TOGARAM1: variants seen among roughly 807,000 people sequenced by gnomAD.
TOGARAM1 encodes TOG array regulator of axonemal microtubules 1.
TOGARAM1 carries 100 observed loss-of-function variants against 166.6 expected under a neutral mutation model. The ratio of observed to expected loss-of-function variants is 0.60; its 90% CI spans 0.51 to 0.71. TOGARAM1 has a LOEUF of 0.71. TOGARAM1 is among the 30% of genes least tolerant of loss of function. The probability of loss-of-function intolerance (pLI) is 0.00; values close to 1 mark genes in which losing one functional copy is unlikely to be tolerated. For synonymous variants in TOGARAM1, 758 were observed against 763.8 expected (o/e 0.99, Z 0.13); for missense variants, 2,029 against 2,102.7 (o/e 0.96, Z 0.69).
chr14:45,047,889 C>G (rs1489528546), intron 14 of TOGARAM1, among the ~76,000 whole-genome samples: 1 of 151,360 alleles, frequency 6.6e-6, no homozygotes, highest in African/African-American at 2.4e-5. Context: ...AACCCCGCCT[C>G]TACTCAAAAT....
In TOGARAM1 at chr14:45,004,128, C is replaced by G. The variant is rs1443568233; in HGVS notation, c.2406C>G (p.Ser802=). The G allele has an allele frequency of 1.9e-6, 3 of 1,614,052 alleles. No individual in the cohort carries two copies. The highest frequency in any genetic ancestry group is 1.7e-5 in the Admixed American group (1 of 60,010). ...TTGGTAGTCAAACAGAGTGTACTTC[C>G]TCAAATGGTCAAAATCCAAGTCCAG... is the stretch of plus-strand genomic sequence containing the variant. The part of the protein sequence containing the change: ...QTFGSQTECT[S]SNGQNPSPGA... Residue 802 remains serine, a synonymous_variant, in exon 4 of 20, where the codon TCC becomes TCG. Coordinates refer to ENST00000361462, the MANE Select transcript of TOGARAM1 (RefSeq NM_001308120.2).
At chr14:44,979,126 T>C (rs1426856474) in intron 1 of TOGARAM1, among the ~76,000 whole-genome samples, 1 of 152,108 alleles carries the variant, frequency 6.6e-6, no homozygotes, top group East Asian at 1.9e-4. Flanking sequence ...GATTGTGGAC[T>C]TGACATAAAT....
chr14:45,066,487 G>A, intron 16 of TOGARAM1, 91 bp from the exon 17 acceptor site: 1 of 1,192,736 alleles, frequency 8.4e-7, no homozygotes, highest in South Asian at 1.8e-5. Flanking sequence ...TTTGGAAAAT[G>A]AATGCATAAT....
chr14:45,003,485 G>T (rs1230332059), intron 3 of TOGARAM1, among the ~76,000 whole-genome samples: 3 of 150,628 alleles, frequency 2.0e-5, no homozygotes, highest in Non-Finnish European at 4.4e-5. Context: ...GTATAAATTG[G>T]CAGAACTTAC....
At chr14:45,068,176 C>G (rs575575157) in intron 17 of TOGARAM1, among the ~76,000 whole-genome samples, 1 of 152,222 alleles carries the variant, frequency 6.6e-6, no homozygotes, top group South Asian at 2.1e-4. Context: ...CATTTTTCAG[C>G]CTTTATTAGG....
chr14:45,039,509 C>G (rs1881614319), intron 11 of TOGARAM1, among the ~76,000 whole-genome samples: 1 of 152,134 alleles, frequency 6.6e-6, no homozygotes, highest in African/African-American at 2.4e-5. Context: ...CCTGCAGGCC[C>G]ACACCAAGCT....
intron 11 of TOGARAM1, among the ~76,000 whole-genome samples, chr14:45,041,816 C>T (rs1881743191): frequency 6.6e-6 from 1 of 152,208 alleles, no homozygotes; most frequent in Non-Finnish European, 1.5e-5. Flanking sequence ...GGCTGAAGTG[C>T]AGTGGCACGA....
chr14:44,997,759 A>G (rs558391234), intron 2 of TOGARAM1, among the ~76,000 whole-genome samples: 1 of 152,012 alleles, frequency 6.6e-6, no homozygotes, highest in African/African-American at 2.4e-5. Flanking sequence ...CCGAGATCAC[A>G]CCACTACACT....
At chr14:44,973,931 C>T (rs1004338775) in intron 1 of TOGARAM1, among the ~76,000 whole-genome samples, 2 of 151,198 alleles carry the variant, frequency 1.3e-5, no homozygotes, top group East Asian at 1.9e-4. Flanking sequence ...TTTCCTTTAT[C>T]TTCTTTCAGG....
At chr14:45,012,128 T>G in intron 7 of TOGARAM1, 53 bp downstream of exon 7, 1 of 1,202,086 alleles carries the variant, frequency 8.3e-7, no homozygotes. Flanking sequence ...TTTCAAATGA[T>G]GTAAAAAATG....
chr14:44,963,545 TA>T lies in TOGARAM1; in HGVS notation c.1127del (p.Lys376SerfsTer28), dbSNP rs756571450. ...YKNRTQAVEE[L>X]KQVLGKFNPS... ...AACCGGACCCAGGCCGTCGAAGAACTAAAGCAGGTGCTGGGAAAATTTAACC... is the reference window on the plus strand; with the variant it reads ...AACCGGACCCAGGCCGTCGAAGAACTAAGCAGGTGCTGGGAAAATTTAACC... On this transcript the variant is annotated frameshift_variant, in exon 1 of 20. Coordinates refer to ENST00000361462, the MANE Select transcript of TOGARAM1 (RefSeq NM_001308120.2). LOFTEE classifies it high-confidence loss of function. The T allele has an allele frequency of 6.2e-7, 1 of 1,614,068 alleles. No individual in the cohort carries two copies. The highest frequency in any genetic ancestry group is 8.5e-7 in the Non-Finnish European group (1 of 1,179,954).
In TOGARAM1 at chr14:44,964,425, C is replaced by A; in HGVS notation, c.2004C>A (p.Ile668=). The stretch of plus-strand genomic sequence containing the variant: ...CATGGGAAAATGAGCAACCTGGAAT[C>A]ATGGGAGAAAACCAGACCTCCACTT... ...KLPWENEQPG[I]MGENQTSTSK... The change falls in exon 1 of 20, where the codon ATC becomes ATA. Residue 668 remains isoleucine (I), a synonymous_variant. Coordinates refer to ENST00000361462, the MANE Select transcript of TOGARAM1 (RefSeq NM_001308120.2). 6.2e-7 allele frequency: 1 copy of A among 1,605,096 alleles called. No individual in the cohort carries two copies. The highest frequency in any genetic ancestry group is 1.3e-5 in the African/African-American group (1 of 74,684).
At chr14:44,980,834 G>T (rs1230779665) in intron 1 of TOGARAM1, among the ~76,000 whole-genome samples, 1 of 152,178 alleles carries the variant, frequency 6.6e-6, no homozygotes, top group African/African-American at 2.4e-5. Flanking sequence ...TCTTTTGGGG[G>T]AGGGGGTCTT....
At chr14:45,019,743 C>T (rs904205763) in intron 7 of TOGARAM1, among the ~76,000 whole-genome samples, 4 of 152,162 alleles carry the variant, frequency 2.6e-5, no homozygotes, top group South Asian at 2.1e-4. Context: ...AAGGTGGATG[C>T]GGTCACCTTC....
At chr14:44,995,379 T>C in intron 1 of TOGARAM1, 1 of 431,930 alleles carries the variant, frequency 2.3e-6, no homozygotes, top group South Asian at 1.6e-5. Flanking sequence ...GACCTTCAAC[T>C]GGCACTTATT....
At chr14:45,008,591 G>A (rs1879601032) in intron 5 of TOGARAM1, among the ~76,000 whole-genome samples, 1 of 152,050 alleles carries the variant, frequency 6.6e-6, no homozygotes, top group South Asian at 2.1e-4. Context: ...TCTACCATCT[G>A]ATTCAATGAT....
At chr14:45,026,608 C>G (rs1877045) in intron 8 of TOGARAM1, among the ~76,000 whole-genome samples, 4,699 of 152,158 alleles carry the variant, frequency 0.031, 94 homozygotes, top group Non-Finnish European at 0.046. Flanking sequence ...TGTAAACATC[C>G]CCATCTCATA....
At chr14:45,065,028 A>G (rs1883073980) in intron 16 of TOGARAM1, among the ~76,000 whole-genome samples, 1 of 152,120 alleles carries the variant, frequency 6.6e-6, no homozygotes. Flanking sequence ...TATACTTTCA[A>G]ATAGTATTAG....
intron 7 of TOGARAM1, among the ~76,000 whole-genome samples, chr14:45,015,860 A>G (rs1880101944): frequency 6.6e-6 from 1 of 152,180 alleles, no homozygotes; most frequent in African/African-American, 2.4e-5. Flanking sequence ...GCCAGTACAG[A>G]AGGTTAAATT....
Sources: allele counts gnomAD v4.1 joint callset (sites outside exome capture counted in the v4.1 genomes callset), GRCh38; gene constraint gnomAD v4.1.1; transcripts MANE v1.5; gene names NCBI Gene and HGNC (gene_info 2026-07-23, HGNC 2026-07-21).